Variants in NUDT12 observed in about 807,000 individuals in gnomAD.
The protein encoded by NUDT12 is NAD-capped RNA hydrolase NUDT12.
In NUDT12, 42 loss-of-function variants were observed where a neutral mutation model predicts 45.7. The ratio of observed to expected loss-of-function variants is 0.92; its 90% CI spans 0.72 to 1.19. The LOEUF (loss-of-function observed/expected upper bound fraction) is 1.19, where lower values mean the gene tolerates loss of function less well. Among genes scored for constraint, NUDT12 ranks in the 50% most tolerant of loss-of-function variants. The pLI, the probability that NUDT12 is intolerant of heterozygous loss-of-function variation, is 0.00. For synonymous variants in NUDT12, 206 were observed against 179.7 expected, an observed-to-expected ratio of 1.15 and a Z score of -1.17; for missense variants, 590 against 533.1, an observed-to-expected ratio of 1.11 and a Z score of -1.05.
chr5:103,552,373 T>G lies in NUDT12; in HGVS notation c.1122A>C (p.Glu374Asp), dbSNP rs1344067803. The change falls in exon 6 of 7, where the codon GAA becomes GAC. Residue 374 changes from glutamate (E) to aspartate (D), a missense_variant. Coordinates refer to ENST00000230792, the MANE Select transcript of NUDT12 (RefSeq NM_031438.4). ...EDAVRREVEEESGVKVGHVQY... is the reference protein window; with the variant it reads ...EDAVRREVEEDSGVKVGHVQY... ...GAACATGGCCAACTTTGACTCCACTTTCCTCTTCTACTTCTCTCCTAACAG... is the reference window on the plus strand; with the variant it reads ...GAACATGGCCAACTTTGACTCCACTGTCCTCTTCTACTTCTCTCCTAACAG... 1.9e-6 allele frequency: 3 copies of G among 1,613,952 alleles called. No individual in the cohort carries two copies. The highest frequency in any genetic ancestry group is 2.5e-6 in the Non-Finnish European group (3 of 1,179,920).
At chr5:103,561,876 G>A (rs527551566) in intron 1 of NUDT12, among the ~76,000 whole-genome samples, 6 of 152,180 alleles carry the variant, frequency 3.9e-5, no homozygotes, top group Middle Eastern at 3.2e-3. Context: ...CCAGGGCAAT[G>A]CTTATGCATA....
At chr5:103,555,543 G>T (rs1270372594) in intron 4 of NUDT12, among the ~76,000 whole-genome samples, 1 of 151,990 alleles carries the variant, frequency 6.6e-6, no homozygotes, top group Non-Finnish European at 1.5e-5. Flanking sequence ...ACTCAAGGCA[G>T]CAATTAGAAG....
At chr5:103,552,752 T>C (rs294044) in intron 5 of NUDT12, among the ~76,000 whole-genome samples, 99,075 of 151,948 alleles carry the variant, frequency 0.65, 32,709 homozygotes, top group African/African-American at 0.72. Flanking sequence ...CTCATGTATA[T>C]ATTGTCCACG....
At chr5:103,556,940 A>G (rs1434015599) in intron 3 of NUDT12, among the ~76,000 whole-genome samples, 1 of 152,082 alleles carries the variant, frequency 6.6e-6, no homozygotes, top group Non-Finnish European at 1.5e-5. Context: ...AATAGACAAC[A>G]TTACGTTTTT....
At position 103,559,336 on chromosome 5, in the gene NUDT12, T is replaced by C. The variant is rs1477386044; in HGVS notation, c.339A>G (p.Glu113=). 6 of 1,613,486 alleles carry C rather than the reference T, an allele frequency of 3.7e-6. No individual in the cohort carries two copies. Among genetic ancestry groups the C allele is most frequent in the Non-Finnish European group, 3.4e-6 (4 of 1,179,770 alleles). ...TAAAATAATTTTCACATTCTTCCAC[T>C]TCATTCGTTAGGAACCAAGGCTTCT... ...GGKKPWFLTN[E]VEECENYFSK... The change falls in exon 3 of 7, where the codon GAA becomes GAG. Residue 113 remains glutamate (E), a synonymous_variant. Coordinates refer to ENST00000230792, the MANE Select transcript of NUDT12 (RefSeq NM_031438.4).
intron 3 of NUDT12, among the ~76,000 whole-genome samples, chr5:103,558,228 C>T (rs920597039): frequency 5.3e-5 from 8 of 152,060 alleles, no homozygotes; most frequent in African/African-American, 1.9e-4. Flanking sequence ...CACCATCTCT[C>T]ACTTATAAGG....
chr5:103,561,429 T>C (rs1749029106), intron 1 of NUDT12, among the ~76,000 whole-genome samples: 1 of 152,184 alleles, frequency 6.6e-6, no homozygotes. Context: ...TACTTATAAA[T>C]AGGTTAAAAC....
Position 103,556,080 on chromosome 5 carries a change from C to T in NUDT12, c.815G>A (p.Arg272Lys), listed in dbSNP as rs2112451252. 1 of 1,603,438 alleles carries T rather than the reference C, an allele frequency of 6.2e-7. No individual in the cohort carries two copies. The highest frequency in any genetic ancestry group is 1.1e-5 in the South Asian group (1 of 88,514). Residue 272 changes from arginine (R) to lysine (K), a missense_variant, in exon 4 of 7, where the codon AGA becomes AAA. By Grantham distance (26) the Arg-to-Lys change is conservative. Coordinates refer to ENST00000230792, the MANE Select transcript of NUDT12 (RefSeq NM_031438.4). Reference protein sequence around the residue: ...EKEAGVVAQARSVLAWHSRYK... With the variant: ...EKEAGVVAQAKSVLAWHSRYK... The stretch of plus-strand genomic sequence containing the variant: ...TCGACTGTGCCAGGCAAGAACAGAT[C>T]TTGCTTGAGCTACAACCCCTTCAAA...
intron 1 of NUDT12, among the ~76,000 whole-genome samples, chr5:103,562,091 C>T (rs570837720): frequency 6.6e-6 from 1 of 152,216 alleles, no homozygotes; most frequent in Non-Finnish European, 1.5e-5. Context: ...AAAGTGCTGC[C>T]CTTGTTTTCC....
At chr5:103,557,868 A>G (rs1748879293) in intron 3 of NUDT12, among the ~76,000 whole-genome samples, 1 of 151,942 alleles carries the variant, frequency 6.6e-6, no homozygotes, top group African/African-American at 2.4e-5. Flanking sequence ...GGATTTAAGT[A>G]TCTGTGTGTT....
chr5:103,551,121 G>GA (rs1748642740), intron 6 of NUDT12, 150 bp from the exon 7 acceptor site: 1 of 442,240 alleles, frequency 2.3e-6, no homozygotes, highest in African/African-American at 2.1e-5. Context: ...TACATGCAAA[G>GA]TTTTTTTTTT....
Position 103,558,962 on chromosome 5 carries a change from TCAG to T in NUDT12, c.710_712del (p.Ala237del), listed in dbSNP as rs1748921325. 6.2e-7 allele frequency: 1 copy of T among 1,612,960 alleles called. No homozygotes were observed. The highest frequency in any genetic ancestry group is 8.5e-7 in the Non-Finnish European group (1 of 1,179,386). On this transcript the variant is annotated inframe_deletion, in exon 3 of 7. Transcript: ENST00000230792. ...ATTTTCATGTCTTTGCTTGAATTCT[TCAG>T]CAGCAATAGGATCTATACCTAGAGC...
Position 103,559,313 on chromosome 5 carries a change from A to G in NUDT12, c.362T>C (p.Phe121Ser). The part of the protein sequence containing the change: ...TNEVEECENY[F>S]SKTLLDRKSE... The stretch of plus-strand genomic sequence containing the variant: ...TTTCCGGTCCAGTAGTGTTTTGCTA[A>G]AATAATTTTCACATTCTTCCACTTC... Residue 121 changes from phenylalanine (F) to serine (S), a missense_variant, in exon 3 of 7, where the codon TTT (phenylalanine) becomes TCT (serine). Physicochemically the swap from Phe to Ser is radical, Grantham distance 155 (BLOSUM62 -2). Coordinates refer to ENST00000230792, the MANE Select transcript of NUDT12 (RefSeq NM_031438.4). 6.2e-7 allele frequency: 1 copy of G among 1,612,910 alleles called. No individual in the cohort carries two copies. The highest frequency in any genetic ancestry group is 8.5e-7 in the Non-Finnish European group (1 of 1,179,576).
Position 103,549,801 on chromosome 5 carries a change from A to G in NUDT12, c.*1060T>C, listed in dbSNP as rs1748596328. On this transcript the variant is annotated 3_prime_UTR_variant, in exon 7 of 7. Coordinates refer to ENST00000230792, the MANE Select transcript of NUDT12 (RefSeq NM_031438.4). The stretch of plus-strand genomic sequence containing the variant: ...GACTTTCTATGTTGCAAAATTGTGA[A>G]CTACTATGTTTTGCTTTCTCTAGAA... 6.6e-6 allele frequency: 1 copy of G among 152,158 alleles called. No individual in the cohort carries two copies. Among genetic ancestry groups the G allele is most frequent in the Admixed American group, 6.6e-5 (1 of 15,252 alleles). The allele number at this position is 152,158 out of a possible 1,614,324, so 9.4% of individuals were successfully genotyped here. A position where few individuals can be genotyped will look rare whatever the true frequency, so the allele number is the denominator to read the frequency against.
chr5:103,562,724 G>A lies in NUDT12; in HGVS notation c.-28C>T, dbSNP rs1749077878. On this transcript the variant is annotated 5_prime_UTR_variant, in exon 1 of 7. Coordinates refer to ENST00000230792, the MANE Select transcript of NUDT12 (RefSeq NM_031438.4). Reference sequence around the variant, plus strand: ...TAACCCAAAGGTGACCACAGTAGAGGCAACCAGGATGCAGTCCAAAGATTG... The same window carrying A: ...TAACCCAAAGGTGACCACAGTAGAGACAACCAGGATGCAGTCCAAAGATTG... 1 of 144,348 alleles carries A rather than the reference G, an allele frequency of 6.9e-6. No individual in the cohort carries two copies. The highest frequency in any genetic ancestry group is 7.4e-5 in the Admixed American group (1 of 13,598). The allele number at this position is 144,348 out of a possible 1,614,324, so 8.9% of individuals were successfully genotyped here. A position where few individuals can be genotyped will look rare whatever the true frequency, so the allele number is the denominator to read the frequency against.
Position 103,559,159 on chromosome 5 carries a change from T to C in NUDT12, c.516A>G (p.Pro172=), listed in dbSNP as rs1352316277. ...LGGNKESFQQ[P]EVRLCQLNYT... ...AGTTCAGCTGACAAAGCCTAACTTCTGGCTGTTGGAAACTTTCTTTATTGC... is the reference window on the plus strand; with the variant it reads ...AGTTCAGCTGACAAAGCCTAACTTCCGGCTGTTGGAAACTTTCTTTATTGC... Residue 172 remains proline, a synonymous_variant, in exon 3 of 7, where the codon CCA becomes CCG. Transcript: ENST00000230792. 1 of 1,563,080 alleles carries C rather than the reference T, an allele frequency of 6.4e-7. No homozygotes were observed. The highest frequency in any genetic ancestry group is 8.6e-7 in the Non-Finnish European group (1 of 1,158,236).
chr5:103,555,149 T>A (rs572382800), intron 4 of NUDT12, among the ~76,000 whole-genome samples: 4 of 152,132 alleles, frequency 2.6e-5, no homozygotes, highest in South Asian at 2.1e-4. Flanking sequence ...TATTACTTTT[T>A]AATGAGAAAA....
At position 103,560,023 on chromosome 5, in the gene NUDT12, G is replaced by A; in HGVS notation, c.206+20C>T. On this transcript the variant is annotated intron_variant, in intron 2 of 6. Transcript: ENST00000230792. ...ATTAAACCACAAACCCTTTCAGGTGGTACAGCCTAAAATGTTTACCCTTTC... is the reference window on the plus strand; with the variant it reads ...ATTAAACCACAAACCCTTTCAGGTGATACAGCCTAAAATGTTTACCCTTTC... The A allele has an allele frequency of 6.4e-7, 1 of 1,557,358 alleles. No individual in the cohort carries two copies. The highest frequency in any genetic ancestry group is 8.9e-7 in the Non-Finnish European group (1 of 1,128,496).
In NUDT12 at chr5:103,560,120, A is replaced by C. The variant is rs560640059; in HGVS notation, c.129T>G (p.Ser43=). The stretch of plus-strand genomic sequence containing the variant: ...ACATTAAAGCAGTCCAGCCATTTTC[A>C]GAAGTTTCATTGAGAAGAGATGGAG... ...SHSPSLLNET[S]ENGWTALMYA... Residue 43 remains serine, a synonymous_variant, in exon 2 of 7, where the codon TCT becomes TCG. Transcript: ENST00000230792. The C allele has an allele frequency of 6.8e-5, 109 of 1,614,008 alleles. 2 individuals carry two copies. In the South Asian group the frequency reaches 1.1e-3, roughly 16 times the overall value.
Sources: allele counts gnomAD v4.1 joint callset (sites outside exome capture counted in the v4.1 genomes callset), GRCh38; gene constraint gnomAD v4.1.1; transcripts MANE v1.5; gene names NCBI Gene and HGNC (gene_info 2026-07-23, HGNC 2026-07-21).